Variants in CDYL observed in about 807,000 individuals in gnomAD.
CDYL encodes chromodomain Y like, also known as chromodomain Y-like protein.
In CDYL, 8 loss-of-function variants were observed where a neutral mutation model predicts 47.3. That is an observed-to-expected ratio of 0.17 (90% CI 0.10 to 0.31). The LOEUF (loss-of-function observed/expected upper bound fraction) is 0.31, where lower values mean the gene tolerates loss of function less well. CDYL is among the 10% of genes least tolerant of loss of function. CDYL has a pLI of 1.00. For missense variants in CDYL, 471 were observed against 701.4 expected (o/e 0.67, Z 3.71); for synonymous variants, 266 against 265.0 (o/e 1.00, Z -0.04).
chr6:4,928,663 G>A (rs1368226740), intron 2 of CDYL: 2 of 152,050 alleles, frequency 1.3e-5, no homozygotes, highest in African/African-American at 4.8e-5. Context: ...TTTCTCTGTG[G>A]TCAGAGGCTA....
intron 1 of CDYL, among the ~76,000 whole-genome samples, chr6:4,807,478 C>T (rs555274025): frequency 6.6e-6 from 1 of 151,366 alleles, no homozygotes; most frequent in African/African-American, 2.4e-5. Context: ...TGCAGCAGTT[C>T]TGTGGTGCTT....
chr6:4,852,641 G>A (rs1760886150), intron 1 of CDYL, among the ~76,000 whole-genome samples: 1 of 146,994 alleles, frequency 6.8e-6, no homozygotes, highest in Non-Finnish European at 1.5e-5. Flanking sequence ...TTTAAATCAA[G>A]TTTACATTTG....
intron 2 of CDYL, among the ~76,000 whole-genome samples, chr6:4,734,525 GCT>G (rs367734288): frequency 1.3e-5 from 2 of 152,314 alleles, no homozygotes; most frequent in African/African-American, 4.8e-5. Flanking sequence ...GAGTGTAGCT[GCT>G]CTCTCTGTCT....
In CDYL at chr6:4,776,696, C is replaced by T; in HGVS notation, c.-88C>T. 2 of 1,215,864 alleles carry T rather than the reference C, an allele frequency of 1.6e-6. No homozygotes were observed. The highest frequency in any genetic ancestry group is 5.2e-5 in the East Asian group (1 of 19,388). The allele number at this position is 1,215,864 out of a possible 1,614,324, so 75.3% of individuals were successfully genotyped here. ...GCGGGAGCAGGAAGCGCAGGCCACGCAGGACCCAACTGAAACAAAGTGTCG... is the reference window on the plus strand; with the variant it reads ...GCGGGAGCAGGAAGCGCAGGCCACGTAGGACCCAACTGAAACAAAGTGTCG... On this transcript the variant is annotated 5_prime_UTR_variant, in exon 1 of 7. Coordinates refer to ENST00000397588, the MANE Select transcript of CDYL (RefSeq NM_004824.4).
In CDYL at chr6:4,935,606, T is replaced by G; in HGVS notation, c.783T>G (p.Phe261Leu). ...GAGTGACTGCCAGCAAAAGGAAATTTATTGACGACAGAAGAGACCAGCCTT... is the reference window on the plus strand; with the variant it reads ...GAGTGACTGCCAGCAAAAGGAAATTGATTGACGACAGAAGAGACCAGCCTT... Reference protein sequence around the residue: ...VTGVTASKRKFIDDRRDQPFD... With the variant: ...VTGVTASKRKLIDDRRDQPFD... The change falls in exon 3 of 7, where the codon TTT becomes TTG. Residue 261 changes from phenylalanine (F) to leucine (L), a missense_variant. Physicochemically the swap from Phe to Leu is conservative, Grantham distance 22 (BLOSUM62 0). Around this residue, in one of 3 missense-constraint regions of CDYL, gnomAD observed 311 missense variants for 350.0 expected, o/e 0.89. Transcript: ENST00000397588. 1 of 1,614,178 alleles carries G rather than the reference T, an allele frequency of 6.2e-7. No individual in the cohort carries two copies. Among genetic ancestry groups the G allele is most frequent in the Non-Finnish European group, 8.5e-7 (1 of 1,180,034 alleles).
At chr6:4,887,230 A>G (rs1242521390) in intron 1 of CDYL, among the ~76,000 whole-genome samples, 2 of 152,112 alleles carry the variant, frequency 1.3e-5, no homozygotes. Context: ...CAGTTTCTAC[A>G]AAGAAAACAA....
At chr6:4,721,044 CCT>C (rs538499714) in intron 2 of CDYL, among the ~76,000 whole-genome samples, 71 of 152,094 alleles carry the variant, frequency 4.7e-4, no homozygotes, top group Non-Finnish European at 8.5e-4. Flanking sequence ...AGCTGATCTG[CCT>C]CTGAGGAGCT....
chr6:4,938,335 C>T (rs1178314687), intron 4 of CDYL, among the ~76,000 whole-genome samples: 2 of 151,774 alleles, frequency 1.3e-5, no homozygotes, highest in African/African-American at 2.4e-5. Context: ...AAATAAAAAG[C>T]AGAAGTCCTC....
intron 2 of CDYL, among the ~76,000 whole-genome samples, chr6:4,903,680 T>G (rs1317732338): frequency 6.6e-6 from 1 of 152,182 alleles, no homozygotes; most frequent in Non-Finnish European, 1.5e-5. Flanking sequence ...CTCTCCCGCT[T>G]TGTGTGCTCG....
intron 2 of CDYL, among the ~76,000 whole-genome samples, chr6:4,898,534 G>A (rs75789368): frequency 0.05 from 7,555 of 152,252 alleles, 694 homozygotes; most frequent in African/African-American, 0.17. Context: ...GAAATCAAAC[G>A]AGAGGGGAGT....
In CDYL at chr6:4,743,830, A is replaced by G. The variant is rs558009058; in HGVS notation, c.186+8986A>G. Among the ~76,000 whole-genome samples the G allele has an allele frequency of 2.4e-3, 366 of 152,342 alleles. 2 individuals are homozygous for G. The highest frequency in any genetic ancestry group is 8.4e-3 in the African/African-American group (348 of 41,584). ...TAACCCCACAGATGTGGCTTGTCAG[A>G]TGTGTAGTATGATAAGAAACACAAT... On this transcript the variant is annotated intron_variant, in intron 3 of 8. Coordinates refer to the CDYL transcript ENST00000328908.
chr6:4,902,791 A>G (rs1757108713), intron 2 of CDYL, among the ~76,000 whole-genome samples: 1 of 152,206 alleles, frequency 6.6e-6, no homozygotes, highest in Non-Finnish European at 1.5e-5. Flanking sequence ...AGAAGGTTTA[A>G]CTAACGTGGC....
chr6:4,759,745 G>C (rs931319660), intron 3 of CDYL, among the ~76,000 whole-genome samples: 5 of 150,786 alleles, frequency 3.3e-5, no homozygotes, highest in Admixed American at 1.3e-4. Context: ...CGGGCGTGGG[G>C]GTGTGTGCCT....
chr6:4,892,208 G>A lies in CDYL; in HGVS notation c.520G>A (p.Glu174Lys). ...EKLDPVEQGQ[E>K]DTVAPEVAAE... The stretch of plus-strand genomic sequence containing the variant: ...ACTGGACCCCGTCGAGCAGGGTCAG[G>A]AGGACACAGTGGCACCCGAAGTGGC... The change falls in exon 2 of 7, where the codon GAG becomes AAG. Residue 174 changes from glutamate to lysine, a missense_variant. Physicochemically the swap from Glu to Lys is moderately conservative, Grantham distance 56. Transcript: ENST00000397588. The A allele has an allele frequency of 1.2e-6, 2 of 1,614,224 alleles. No homozygotes were observed. Among genetic ancestry groups the A allele is most frequent in the Non-Finnish European group, 1.7e-6 (2 of 1,180,042 alleles).
intron 2 of CDYL, among the ~76,000 whole-genome samples, chr6:4,927,428 C>CGTGTGTGT (rs35317751): frequency 0.019 from 2,681 of 142,518 alleles, 47 homozygotes; most frequent in East Asian, 0.075. Flanking sequence ...ATTTACTGTA[C>CGTGTGTGT]GTGTGTGTGT....
At chr6:4,838,280 A>G (rs1343354801) in intron 1 of CDYL, among the ~76,000 whole-genome samples, 6 of 152,038 alleles carry the variant, frequency 3.9e-5, no homozygotes, top group East Asian at 1.9e-4. Context: ...ACTGTACTCA[A>G]TGTGTCGTCT....
At chr6:4,866,265 T>A (rs887698079) in intron 1 of CDYL, among the ~76,000 whole-genome samples, 3 of 152,210 alleles carry the variant, frequency 2.0e-5, no homozygotes, top group African/African-American at 7.2e-5. Flanking sequence ...TTCTTTGTTT[T>A]CTTTAAGAAT....
intron 5 of CDYL, among the ~76,000 whole-genome samples, chr6:4,944,853 G>A (rs1346806620): frequency 6.6e-6 from 1 of 152,156 alleles, no homozygotes; most frequent in African/African-American, 2.4e-5. Flanking sequence ...CTTGCCGAGT[G>A]GTCAGAGTTC....
chr6:4,859,743 G>T (rs1273717093), intron 1 of CDYL, among the ~76,000 whole-genome samples: 1 of 152,108 alleles, frequency 6.6e-6, no homozygotes, highest in South Asian at 2.1e-4. Context: ...AAGGGCATCT[G>T]TTTGCCAGCA....
Sources: gnomAD v4.1 joint callset for allele counts (sites outside exome capture counted in the v4.1 genomes callset) on GRCh38, gnomAD v4.1.1 for gene constraint, gnomAD v4.1.1 regional missense constraint, MANE v1.5 for transcripts, NCBI Gene and HGNC (gene_info 2026-07-23, HGNC 2026-07-21) for gene names.